PLXND1: variants seen among roughly 807,000 people sequenced by gnomAD.
The protein encoded by PLXND1 is plexin D1, also known as plexin-D1.
In PLXND1, 54 loss-of-function variants were observed where a neutral mutation model predicts 197.7. That is an observed-to-expected ratio of 0.27 (90% CI 0.22 to 0.34). PLXND1 has a LOEUF of 0.34. PLXND1 is among the 10% of genes least tolerant of loss of function. The probability of loss-of-function intolerance (pLI) is 1.00; values close to 1 mark genes in which losing one functional copy is unlikely to be tolerated. For synonymous variants in PLXND1, 1,180 were observed against 1,161.2 expected, an observed-to-expected ratio of 1.02 and a Z score of -0.33; for missense variants, 2,127 against 2,699.2, an observed-to-expected ratio of 0.79 and a Z score of 4.70.
chr3:129,561,404 G>C (rs1400648846), intron 29 of PLXND1, among the ~76,000 whole-genome samples: 2 of 152,212 alleles, frequency 1.3e-5, no homozygotes, highest in Non-Finnish European at 2.9e-5. Context: ...TCCTGGAACT[G>C]CATCCCGCCC....
At chr3:129,588,016 C>T (rs1289577729) in intron 2 of PLXND1, among the ~76,000 whole-genome samples, 1 of 152,234 alleles carries the variant, frequency 6.6e-6, no homozygotes, top group Admixed American at 6.5e-5. Flanking sequence ...AAGTCATTTC[C>T]ACTCCTTCAA....
At chr3:129,565,662 C>A in intron 24 of PLXND1, 124 bp from the exon 25 acceptor site, 1 of 936,596 alleles carries the variant, frequency 1.1e-6, no homozygotes, top group Admixed American at 2.2e-5. Context: ...GTGGGTCCTG[C>A]GAGGGGTGAG....
chr3:129,556,279 C>A lies in PLXND1; in HGVS notation c.*33G>T, dbSNP rs186118138. 1.2e-5 allele frequency: 17 copies of A among 1,440,466 alleles called. No homozygotes were observed. In the Middle Eastern group the frequency reaches 5.3e-4, roughly 45 times the overall value. 89.2% of individuals were successfully genotyped at this position (1,440,466 alleles called of 1,614,324 possible). A position where few individuals can be genotyped will look rare whatever the true frequency, so the allele number is the denominator to read the frequency against. On this transcript the variant is annotated 3_prime_UTR_variant, in exon 36 of 36. Coordinates refer to ENST00000324093, the MANE Select transcript of PLXND1 (RefSeq NM_015103.3). ...TGAGGCCCAGTGGGCGTCCATTTCT[C>A]CCAGCAGCAGCCTGACCAACTCTCC... is the stretch of plus-strand genomic sequence containing the variant.
At chr3:129,603,054 C>T (rs1020607691) in intron 1 of PLXND1, among the ~76,000 whole-genome samples, 10 of 152,332 alleles carry the variant, frequency 6.6e-5, no homozygotes, top group African/African-American at 2.4e-4. Flanking sequence ...CCCTCCCCCA[C>T]CCCTGCCCAT....
chr3:129,578,326 T>C lies in PLXND1; in HGVS notation c.2346+3A>G. 6.3e-7 allele frequency: 1 copy of C among 1,589,208 alleles called. No homozygotes were observed. The highest frequency in any genetic ancestry group is 8.6e-7 in the Non-Finnish European group (1 of 1,165,580). On this transcript the variant is annotated splice_donor_region_variant and intron_variant, in intron 9 of 35. Coordinates refer to ENST00000324093, the MANE Select transcript of PLXND1 (RefSeq NM_015103.3). ...ACCCGGCGCTGGCCTGGCTTCTACT[T>C]ACCTGGAAAAAGGCAGTGTTGGCCA...
chr3:129,558,646 G>A lies in PLXND1; in HGVS notation c.5298-71C>T, dbSNP rs1256936520. 1.4e-6 allele frequency: 2 copies of A among 1,468,806 alleles called. No individual in the cohort carries two copies. The highest frequency in any genetic ancestry group is 1.4e-5 in the African/African-American group (1 of 72,118). The allele number at this position is 1,468,806 out of a possible 1,614,324, so 91.0% of individuals were successfully genotyped here. A position where few individuals can be genotyped will look rare whatever the true frequency, so the allele number is the denominator to read the frequency against. On this transcript the variant is annotated intron_variant, in intron 32 of 35. Coordinates refer to ENST00000324093, the MANE Select transcript of PLXND1 (RefSeq NM_015103.3). This position sits in a 1 kb window ranked among gnomAD's most constrained non-coding sequence, Gnocchi z 4.1. ...AAGCAGTCGAGGGACAGTTGTGGAG[G>A]AGAGAGCTGGCTTTGTCCCTCAAGG... is the stretch of plus-strand genomic sequence containing the variant.
Position 129,585,664 on chromosome 3 carries a change from C to T in PLXND1, c.1851+288G>A, listed in dbSNP as rs2085448479. ...CCTAGCTGTGCGACCTGCAGCAAGT[C>T]GTTTCACCACTTGGTGCCTCAGTTT... On this transcript the variant is annotated intron_variant, in intron 5 of 35. Transcript: ENST00000324093. Among the ~76,000 whole-genome samples the T allele has an allele frequency of 2.6e-5, 4 of 152,236 alleles. No individual in the cohort carries two copies. In the South Asian group the frequency reaches 6.2e-4, roughly 24 times the overall value.
In PLXND1 at chr3:129,571,784, A is replaced by C; in HGVS notation, c.3138T>G (p.Pro1046=). ...MPEGALPAPV[P]VCVRFERRGC... is the part of the protein sequence containing the mutation. ...CCCGACGCTCGAAGCGCACACACAC[A>C]GGCACCGGAGCCGGCAGGGCCCCCT... Residue 1046 remains proline, a synonymous_variant, in exon 16 of 36, where the codon CCT becomes CCG. Transcript: ENST00000324093. 6.2e-7 allele frequency: 1 copy of C among 1,613,198 alleles called. No individual in the cohort carries two copies. Among genetic ancestry groups the C allele is most frequent in the Non-Finnish European group, 8.5e-7 (1 of 1,179,872 alleles).
chr3:129,606,058 T>C lies in PLXND1; in HGVS notation c.582A>G (p.Leu194=), dbSNP rs766682391. The change falls in exon 1 of 36, where the codon CTA becomes CTG. Residue 194 remains leucine (L), a synonymous_variant. Transcript: ENST00000324093. ...ANHPNASTVG[L]VLPPAAGAGG... ...CCGCGCCCGCGGCGGGAGGCAGAAC[T>C]AGCCCCACGGTGGACGCGTTCGGGT... 1 of 1,583,902 alleles carries C rather than the reference T, an allele frequency of 6.3e-7. No individual in the cohort carries two copies. Among genetic ancestry groups the C allele is most frequent in the Non-Finnish European group, 8.5e-7 (1 of 1,169,690 alleles).
In PLXND1 at chr3:129,577,278, C is replaced by T. The variant is rs1384444473; in HGVS notation, c.2346+1051G>A. Among the ~76,000 whole-genome samples the T allele has an allele frequency of 6.6e-6, 1 of 152,196 alleles. No homozygotes were observed. Among genetic ancestry groups the T allele is most frequent in the Non-Finnish European group, 1.5e-5 (1 of 68,024 alleles). ...AGGCCCTGGGGAGCAGGAGGGCAGGCGCCCCTGCAGCTCGGTCAGAGTGGA... is the reference window on the plus strand; with the variant it reads ...AGGCCCTGGGGAGCAGGAGGGCAGGTGCCCCTGCAGCTCGGTCAGAGTGGA... On this transcript the variant is annotated intron_variant, in intron 9 of 35. Coordinates refer to ENST00000324093, the MANE Select transcript of PLXND1 (RefSeq NM_015103.3). This position sits in a 1 kb window ranked among gnomAD's most constrained non-coding sequence, Gnocchi z 5.0.
At chr3:129,565,750 CT>C (rs1207032266) in intron 24 of PLXND1, 136 bp downstream of exon 24, 7 of 1,015,120 alleles carry the variant, frequency 6.9e-6, no homozygotes, top group African/African-American at 4.8e-5. Flanking sequence ...GAGCCAAGGT[CT>C]TGGGCATCCC....
At chr3:129,561,997 TCTCTCC>T in intron 27 of PLXND1, 94 bp from the exon 28 acceptor site, 1 of 795,882 alleles carries the variant, frequency 1.3e-6, no homozygotes, top group South Asian at 1.4e-5. Flanking sequence ...GGCCTCTCGC[TCTCTCC>T]ATGTAAACTG....
chr3:129,583,465 T>C (rs1312044986), intron 8 of PLXND1, 102 bp downstream of exon 8: 2 of 745,120 alleles, frequency 2.7e-6, no homozygotes, highest in Non-Finnish European at 4.6e-6. Context: ...AAGCCAAAGC[T>C]AAGGCGGAAT....
At chr3:129,593,772 A>G (rs990228610) in intron 1 of PLXND1, among the ~76,000 whole-genome samples, 1 of 152,206 alleles carries the variant, frequency 6.6e-6, no homozygotes, top group Non-Finnish European at 1.5e-5. Flanking sequence ...ATTCAGGCCC[A>G]GGCAACACTG....
rs1223485225 is a variant in PLXND1, at chr3:129,556,138, G to A, written c.*174C>T. 1 of 606,712 alleles carries A rather than the reference G, an allele frequency of 1.6e-6. No individual in the cohort carries two copies. The highest frequency in any genetic ancestry group is 3.0e-6 in the Non-Finnish European group (1 of 338,150). 37.6% of individuals were successfully genotyped at this position (606,712 alleles called of 1,614,324 possible). ...GTGGGAGGGGATGGAGGTGCCCAGG[G>A]GTCAAGGCGGGGGCGCCCCTGTCTC... On this transcript the variant is annotated 3_prime_UTR_variant, in exon 36 of 36. Coordinates refer to ENST00000324093, the MANE Select transcript of PLXND1 (RefSeq NM_015103.3).
At chr3:129,589,308 C>CGGGGGGGGG in intron 2 of PLXND1, 43 bp downstream of exon 2, 1 of 628,606 alleles carries the variant, frequency 1.6e-6, no homozygotes, top group Non-Finnish European at 2.9e-6. Flanking sequence ...CCCAGGGGAG[C>CGGGGGGGGG]CTCCCACCCC....
Position 129,570,829 on chromosome 3 carries a change from A to G in PLXND1, c.3707T>C (p.Val1236Ala). The change falls in exon 19 of 36, where the codon GTC becomes GCC. Residue 1236 changes from valine (V) to alanine (A), a missense_variant. This residue lies in a region of PLXND1 where 532 missense variants were observed against 811.0 expected (regional missense o/e 0.66). Coordinates refer to ENST00000324093, the MANE Select transcript of PLXND1 (RefSeq NM_015103.3). ...CACGGCCGCGCCCAGGGACTCGTTG[A>G]CCGAGCAGTGGATGATTCTGTCAGA... ...IVSDRIIHCS[V>A]NESLGAAVGQ... 6.2e-7 allele frequency: 1 copy of G among 1,614,192 alleles called. No homozygotes were observed. The highest frequency in any genetic ancestry group is 8.5e-7 in the Non-Finnish European group (1 of 1,180,012).
intron 2 of PLXND1, 120 bp from the exon 3 acceptor site, chr3:129,586,839 A>C: frequency 1.7e-6 from 2 of 1,169,628 alleles, no homozygotes; most frequent in Non-Finnish European, 2.4e-6. Context: ...ACCCTTCAGG[A>C]GGGGTGGGAA....
At chr3:129,568,623 A>G (rs996052718) in intron 20 of PLXND1, among the ~76,000 whole-genome samples, 2 of 151,890 alleles carry the variant, frequency 1.3e-5, no homozygotes, top group African/African-American at 4.8e-5. Flanking sequence ...ATCACATCTC[A>G]CTGCAGCCTC....
Sources: allele counts gnomAD v4.1 joint callset (sites outside exome capture counted in the v4.1 genomes callset), GRCh38; gene constraint gnomAD v4.1.1; regional missense constraint gnomAD v4.1.1; non-coding constraint Gnocchi (gnomAD v3.1); transcripts MANE v1.5; gene names NCBI Gene and HGNC (gene_info 2026-07-23, HGNC 2026-07-21).